Variants in AK5 observed in about 807,000 individuals in gnomAD.
The protein encoded by AK5 is adenylate kinase 5, also known as adenylate kinase isoenzyme 5.
A neutral mutation model predicts 69.5 loss-of-function variants in AK5; 27 were observed. The ratio of observed to expected loss-of-function variants is 0.39; its 90% CI spans 0.29 to 0.54. The LOEUF (loss-of-function observed/expected upper bound fraction) is 0.54, where lower values mean the gene tolerates loss of function less well. Ranked by LOEUF, AK5 falls within the 20% of genes least tolerant of loss-of-function variation. The pLI, the probability that AK5 is intolerant of heterozygous loss-of-function variation, is 0.71. For missense variants in AK5, 531 were observed against 700.4 expected, an observed-to-expected ratio of 0.76 and a Z score of 2.73; for synonymous variants, 260 against 244.4, an observed-to-expected ratio of 1.06 and a Z score of -0.60.
At chr1:77,557,657 T>C (rs544395131) in intron 13 of AK5, among the ~76,000 whole-genome samples, 1 of 152,120 alleles carries the variant, frequency 6.6e-6, no homozygotes, top group African/African-American at 2.4e-5. Context: ...CACATCTCTC[T>C]CCCTCATCCC....
intron 3 of AK5, 85 bp from the exon 4 acceptor site, chr1:77,297,474 T>C: frequency 7.7e-7 from 1 of 1,294,574 alleles, no homozygotes; most frequent in Non-Finnish European, 1.1e-6. Flanking sequence ...ACACAGAATT[T>C]GCATCCCAGA....
At chr1:77,514,115 C>T (rs1389674824) in intron 10 of AK5, among the ~76,000 whole-genome samples, 2 of 152,206 alleles carry the variant, frequency 1.3e-5, no homozygotes, top group Non-Finnish European at 2.9e-5. Flanking sequence ...TTTGGCCTCA[C>T]AGGGAACGCT....
At chr1:77,289,332 T>TTA (rs1302334922) in intron 2 of AK5, among the ~76,000 whole-genome samples, 2 of 152,156 alleles carry the variant, frequency 1.3e-5, no homozygotes, top group Non-Finnish European at 2.9e-5. Flanking sequence ...AATGATATTT[T>TTA]TGTGGGCTTG....
chr1:77,558,956 A>T lies in AK5; in HGVS notation c.*286A>T. The T allele has an allele frequency of 3.1e-6, 1 of 325,212 alleles. No individual in the cohort carries two copies. The highest frequency in any genetic ancestry group is 4.0e-5 in the South Asian group (1 of 25,098). 20.1% of individuals were successfully genotyped at this position (325,212 alleles called of 1,614,324 possible). A position where few individuals can be genotyped will look rare whatever the true frequency, so the allele number is the denominator to read the frequency against. ...ATGCAGGCCACACTCAGAGCTAGTCAGTACATGAACAGTGGTGCGGTGCCA... is the reference window on the plus strand; with the variant it reads ...ATGCAGGCCACACTCAGAGCTAGTCTGTACATGAACAGTGGTGCGGTGCCA... On this transcript the variant is annotated 3_prime_UTR_variant, in exon 14 of 14. Transcript: ENST00000354567.
At chr1:77,418,795 C>T (rs1243337347) in intron 8 of AK5, among the ~76,000 whole-genome samples, 6 of 151,142 alleles carry the variant, frequency 4.0e-5, no homozygotes, top group Non-Finnish European at 1.5e-5. Context: ...AGACCAGTGT[C>T]CATGTGTAAT....
At position 77,559,839 on chromosome 1, in the gene AK5, A is replaced by G. The variant is rs952330467; in HGVS notation, c.*1169A>G. The G allele has an allele frequency of 1.3e-5, 2 of 151,900 alleles. No individual in the cohort carries two copies. The highest frequency in any genetic ancestry group is 1.5e-5 in the Non-Finnish European group (1 of 67,932). The allele number at this position is 151,900 out of a possible 1,614,324, so 9.4% of individuals were successfully genotyped here. A position where few individuals can be genotyped will look rare whatever the true frequency, so the allele number is the denominator to read the frequency against. On this transcript the variant is annotated 3_prime_UTR_variant, in exon 14 of 14. Transcript: ENST00000354567. ...ACAAAAAAGCATAGTTTCAGTTTGC[A>G]TGAATTTTTTTTTTTTTCTTCAATG...
chr1:77,297,960 C>T lies in AK5; in HGVS notation c.699+13C>T. ...TTTTGAGGACCAAGTAAGAATATCT[C>T]CTTATATTTTAAATGAACTACTTTT... On this transcript the variant is annotated intron_variant, in intron 5 of 13. Coordinates refer to ENST00000354567, the MANE Select transcript of AK5 (RefSeq NM_174858.3). 1.9e-6 allele frequency: 3 copies of T among 1,553,168 alleles called. No homozygotes were observed. Among genetic ancestry groups the T allele is most frequent in the Non-Finnish European group, 2.6e-6 (3 of 1,147,388 alleles).
chr1:77,321,998 A>G (rs1167214), intron 5 of AK5, among the ~76,000 whole-genome samples: 50,812 of 152,076 alleles, frequency 0.33, 8,536 homozygotes, highest in Admixed American at 0.37. Context: ...GCAAATTTTT[A>G]TGTACTATGA....
chr1:77,473,196 TG>T (rs1557617557), intron 8 of AK5, among the ~76,000 whole-genome samples: 1 of 150,520 alleles, frequency 6.6e-6, no homozygotes, highest in Non-Finnish European at 1.5e-5. Context: ...GGAAGCTTCT[TG>T]GGGTTTTTTT....
intron 10 of AK5, among the ~76,000 whole-genome samples, chr1:77,497,842 A>G (rs987242083): frequency 1.3e-5 from 2 of 152,132 alleles, no homozygotes; most frequent in Non-Finnish European, 2.9e-5. Context: ...TTGGCCTCCC[A>G]AAGCACTGGG....
chr1:77,423,602 A>G (rs1650996539), intron 8 of AK5, among the ~76,000 whole-genome samples: 1 of 151,962 alleles, frequency 6.6e-6, no homozygotes, highest in Non-Finnish European at 1.5e-5. Context: ...ACTTACCCAA[A>G]CAGAAACCCT....
At chr1:77,457,906 A>G (rs954645566) in intron 8 of AK5, among the ~76,000 whole-genome samples, 7 of 152,046 alleles carry the variant, frequency 4.6e-5, no homozygotes, top group African/African-American at 1.7e-4. Flanking sequence ...CAAATTTATC[A>G]TCTTATAGTT....
At chr1:77,364,629 T>G (rs1646920231) in intron 6 of AK5, among the ~76,000 whole-genome samples, 1 of 152,226 alleles carries the variant, frequency 6.6e-6, no homozygotes, top group African/African-American at 2.4e-5. Flanking sequence ...AGTGTTTAAT[T>G]TTCTGTTCCT....
chr1:77,462,371 G>A (rs1653898088), intron 8 of AK5, among the ~76,000 whole-genome samples: 1 of 151,966 alleles, frequency 6.6e-6, no homozygotes, highest in African/African-American at 2.4e-5. Flanking sequence ...ATGAATGGAT[G>A]ATTTATATGT....
In AK5 at chr1:77,484,687, C is replaced by T. The variant is rs1171580645; in HGVS notation, c.1102+1328C>T. Among the ~76,000 whole-genome samples, 9 of 152,038 alleles carry T rather than the reference C, an allele frequency of 5.9e-5. No homozygotes were observed. In the East Asian group the frequency reaches 9.6e-4, roughly 16 times the overall value. On this transcript the variant is annotated intron_variant, in intron 9 of 13. Transcript: ENST00000354567. Reference sequence around the variant, plus strand: ...AACACATACTATAGAAATTTTTTAACGTATAAAATAAGAGCCATTTAAAAC... The same window carrying T: ...AACACATACTATAGAAATTTTTTAATGTATAAAATAAGAGCCATTTAAAAC...
At chr1:77,487,756 G>C (rs940697598) in intron 10 of AK5, among the ~76,000 whole-genome samples, 1 of 152,160 alleles carries the variant, frequency 6.6e-6, no homozygotes, top group Admixed American at 6.6e-5. Context: ...CTCACTCCAG[G>C]CTTCTCCCTC....
chr1:77,302,450 T>G (rs1307575941), intron 5 of AK5, among the ~76,000 whole-genome samples: 1 of 152,214 alleles, frequency 6.6e-6, no homozygotes, highest in Admixed American at 6.5e-5. Flanking sequence ...AAGTGCAGTT[T>G]CATTACGCAG....
chr1:77,472,353 A>G (rs1654564259), intron 8 of AK5, among the ~76,000 whole-genome samples: 1 of 152,090 alleles, frequency 6.6e-6, no homozygotes. Context: ...ATCTCACACA[A>G]CCACTTGTAA....
At chr1:77,552,160 G>A (rs897820512) in intron 13 of AK5, among the ~76,000 whole-genome samples, 3 of 152,156 alleles carry the variant, frequency 2.0e-5, no homozygotes, top group African/African-American at 7.2e-5. Context: ...TTCAGCAAGA[G>A]TCCTGTTAGG....
Sources: gnomAD v4.1 joint callset for allele counts (sites outside exome capture counted in the v4.1 genomes callset) on GRCh38, gnomAD v4.1.1 for gene constraint, MANE v1.5 for transcripts, NCBI Gene and HGNC (gene_info 2026-07-23, HGNC 2026-07-21) for gene names.